The following NELL1 variants were observed in gnomAD, a reference collection of about 807,000 sequenced individuals.
NELL1 encodes protein kinase C-binding protein NELL1.
In NELL1, 76 loss-of-function variants were observed where a neutral mutation model predicts 107.4. The observed-to-expected ratio is 0.71, with a 90% CI of 0.59 to 0.86. The LOEUF (loss-of-function observed/expected upper bound fraction) is 0.86. Among genes scored for constraint, NELL1 ranks in the 40% least tolerant of loss-of-function variants. The pLI is 0.00. For synonymous variants in NELL1, 353 were observed against 341.2 expected (o/e 1.03, Z -0.38); for missense variants, 1,024 against 1,005.5 (o/e 1.02, Z -0.25).
At chr11:21,462,804 G>A (rs1853931490) in intron 15 of NELL1, among the ~76,000 whole-genome samples, 1 of 151,982 alleles carries the variant, frequency 6.6e-6, no homozygotes, top group Non-Finnish European at 1.5e-5. Flanking sequence ...CATATTTCCT[G>A]AGTCCAAAAC....
intron 12 of NELL1, among the ~76,000 whole-genome samples, chr11:21,036,411 A>G (rs1853094062): frequency 1.3e-5 from 2 of 152,196 alleles, no homozygotes; most frequent in South Asian, 4.1e-4. Flanking sequence ...ACCAAAAAAC[A>G]GCCAAATAGC....
At chr11:21,292,120 G>A (rs1437976144) in intron 14 of NELL1, among the ~76,000 whole-genome samples, 3 of 152,260 alleles carry the variant, frequency 2.0e-5, no homozygotes, top group Middle Eastern at 3.4e-3. Context: ...CAAATAGAAA[G>A]AGAGGAAGTC....
chr11:21,039,112 G>A, intron 12 of NELL1, among the ~76,000 whole-genome samples: 1 of 152,124 alleles, frequency 6.6e-6, no homozygotes, highest in East Asian at 1.9e-4. Context: ...GGTCAGAGGT[G>A]AATTTGAAGG....
intron 2 of NELL1, among the ~76,000 whole-genome samples, chr11:20,723,971 G>A (rs1445147306): frequency 6.6e-6 from 1 of 152,214 alleles, no homozygotes; most frequent in African/African-American, 2.4e-5. Context: ...AGCTCAAGCT[G>A]TACCTTGGTC....
At chr11:20,925,280 A>T (rs1007053708) in intron 7 of NELL1, among the ~76,000 whole-genome samples, 2 of 151,862 alleles carry the variant, frequency 1.3e-5, no homozygotes, top group Non-Finnish European at 2.9e-5. Context: ...GTTTTGTTGT[A>T]TTAATTTATT....
chr11:20,706,609 A>G (rs962173693), intron 2 of NELL1, among the ~76,000 whole-genome samples: 1 of 152,048 alleles, frequency 6.6e-6, no homozygotes, highest in East Asian at 1.9e-4. Context: ...AACATGGCAC[A>G]TGTATACATA....
intron 2 of NELL1, among the ~76,000 whole-genome samples, chr11:20,686,734 A>T (rs965480136): frequency 1.3e-5 from 2 of 152,162 alleles, no homozygotes; most frequent in Non-Finnish European, 2.9e-5. Flanking sequence ...TGTATGGAGA[A>T]ACTTTCAGGT....
intron 2 of NELL1, among the ~76,000 whole-genome samples, chr11:20,761,838 T>C (rs1019112799): frequency 6.6e-6 from 1 of 152,236 alleles, no homozygotes; most frequent in African/African-American, 2.4e-5. Flanking sequence ...CCTGGGGCCA[T>C]TTGATAAATG....
At chr11:21,079,067 A>T (rs570193250) in intron 12 of NELL1, among the ~76,000 whole-genome samples, 1 of 152,092 alleles carries the variant, frequency 6.6e-6, no homozygotes, top group African/African-American at 2.4e-5. Context: ...GAATTGGGCA[A>T]ATGTAAAGCA....
chr11:21,252,145 A>G (rs1400083335), intron 14 of NELL1, among the ~76,000 whole-genome samples: 1 of 152,164 alleles, frequency 6.6e-6, no homozygotes, highest in Admixed American at 6.6e-5. Flanking sequence ...GTAGCTACCA[A>G]TAGTCACACA....
chr11:21,409,735 T>C (rs1181929278), intron 15 of NELL1, among the ~76,000 whole-genome samples: 1 of 151,820 alleles, frequency 6.6e-6, no homozygotes, highest in Non-Finnish European at 1.5e-5. Flanking sequence ...TCACATTTAT[T>C]CCCCATATAA....
chr11:21,514,651 T>C (rs1855514964), intron 15 of NELL1, among the ~76,000 whole-genome samples: 1 of 136,400 alleles, frequency 7.3e-6, no homozygotes, highest in Non-Finnish European at 1.6e-5. Flanking sequence ...TATTTAAATA[T>C]AGCTCCCCTG....
At chr11:21,296,308 A>T (rs1000345853) in intron 14 of NELL1, among the ~76,000 whole-genome samples, 1 of 151,910 alleles carries the variant, frequency 6.6e-6, no homozygotes. Flanking sequence ...AAAAAAGACC[A>T]AAAAACCCCC....
At chr11:21,311,155 C>A (rs1849741795) in intron 14 of NELL1, among the ~76,000 whole-genome samples, 1 of 152,004 alleles carries the variant, frequency 6.6e-6, no homozygotes, top group Non-Finnish European at 1.5e-5. Context: ...AATGCATTAC[C>A]CATGCTATAA....
chr11:20,899,942 G>A (rs1849836394), intron 5 of NELL1, among the ~76,000 whole-genome samples: 1 of 152,126 alleles, frequency 6.6e-6, no homozygotes, highest in Non-Finnish European at 1.5e-5. Flanking sequence ...ATGAGTTTAT[G>A]ATTGAAAGTC....
chr11:21,121,354 A>G (rs565205380), intron 13 of NELL1, among the ~76,000 whole-genome samples: 1 of 152,082 alleles, frequency 6.6e-6, no homozygotes, highest in African/African-American at 2.4e-5. Flanking sequence ...CCAAAGCTGC[A>G]CTCTGAGATG....
Position 21,370,890 on chromosome 11 carries a change from T to G in NELL1, c.1587T>G (p.Cys529Trp). ...CEEGCRYGGT[C>W]VAPNKCVCPS... The stretch of plus-strand genomic sequence containing the variant: ...AGGGCTGCAGATACGGTGGAACGTG[T>G]GTGGCTCCCAACAAATGTGTCTGTC... Residue 529 changes from cysteine to tryptophan, a missense_variant, in exon 15 of 20, where the codon TGT becomes TGG. Coordinates refer to ENST00000357134, the MANE Select transcript of NELL1 (RefSeq NM_006157.5). The G allele has an allele frequency of 6.2e-7, 1 of 1,611,962 alleles. No homozygotes were observed. Among genetic ancestry groups the G allele is most frequent in the Non-Finnish European group, 8.5e-7 (1 of 1,178,884 alleles).
intron 13 of NELL1, among the ~76,000 whole-genome samples, chr11:21,151,646 G>A (rs1856120368): frequency 6.6e-6 from 1 of 152,156 alleles, no homozygotes; most frequent in African/African-American, 2.4e-5. Context: ...GATTAAATGG[G>A]ATAATGCATA....
intron 12 of NELL1, among the ~76,000 whole-genome samples, chr11:21,051,109 C>T (rs1032231246): frequency 1.3e-5 from 2 of 152,102 alleles, no homozygotes; most frequent in African/African-American, 2.4e-5. Context: ...ACCCAATTCA[C>T]AATTACAAAA....
Sources: gnomAD v4.1 joint callset for allele counts (sites outside exome capture counted in the v4.1 genomes callset) on GRCh38, gnomAD v4.1.1 for gene constraint, MANE v1.5 for transcripts, NCBI Gene and HGNC (gene_info 2026-07-23, HGNC 2026-07-21) for gene names.